The following CUX2 variants were observed in gnomAD, a reference collection of about 807,000 sequenced individuals.
CUX2 encodes the protein cut like homeobox 2.
A neutral mutation model predicts 144.8 loss-of-function variants in CUX2; 40 were observed. The ratio of observed to expected loss-of-function variants is 0.28; its 90% CI spans 0.21 to 0.36. The LOEUF is 0.36. CUX2 is among the 10% of genes least tolerant of loss of function. CUX2 has a pLI of 1.00. For missense variants in CUX2, 1,615 were observed against 1,994.0 expected (o/e 0.81, Z 3.62); for synonymous variants, 827 against 875.6 (o/e 0.94, Z 0.98).
chr12:111,322,459 G>T lies in CUX2; in HGVS notation c.2805G>T (p.Leu935=), dbSNP rs1404396234. ...CACAGGGCAGCGTGAGCGACATGCT[G>T]TCCCGGCCGAAGCCATGGAGCAAGC... ...GLSQGSVSDM[L]SRPKPWSKLT... The change falls in exon 18 of 22, where the codon CTG becomes CTT. Residue 935 remains leucine (L), a synonymous_variant. Coordinates refer to ENST00000261726, the MANE Select transcript of CUX2 (RefSeq NM_015267.4). This position sits in a 1 kb window ranked among gnomAD's most constrained non-coding sequence, Gnocchi z 4.2. 1 of 1,579,008 alleles carries T rather than the reference G, an allele frequency of 6.3e-7. No individual in the cohort carries two copies. Among genetic ancestry groups the T allele is most frequent in the Admixed American group, 1.8e-5 (1 of 54,068 alleles).
At position 111,034,369 on chromosome 12, in the gene CUX2, G is replaced by A. The variant is rs1181833469; in HGVS notation, c.63+129G>A. 8.1e-6 allele frequency: 2 copies of A among 247,768 alleles called. No homozygotes were observed. The highest frequency in any genetic ancestry group is 1.3e-5 in the Non-Finnish European group (2 of 154,004). 15.3% of individuals were successfully genotyped at this position (247,768 alleles called of 1,614,324 possible). On this transcript the variant is annotated intron_variant, in intron 1 of 21. Transcript: ENST00000261726. This position sits in a 1 kb window ranked among gnomAD's most constrained non-coding sequence, Gnocchi z 4.2. ...CGGGCGGCGGCTGCCGGGGCTCGCCGGGGCTCGGCCGCCCGCTGCCCATCG... is the reference window on the plus strand; with the variant it reads ...CGGGCGGCGGCTGCCGGGGCTCGCCAGGGCTCGGCCGCCCGCTGCCCATCG...
At chr12:111,095,226 A>T (rs1209327717) in intron 1 of CUX2, among the ~76,000 whole-genome samples, 1 of 152,196 alleles carries the variant, frequency 6.6e-6, no homozygotes, top group Non-Finnish European at 1.5e-5. Flanking sequence ...TGGGAGACAG[A>T]GGCAGGTAGA....
intron 9 of CUX2, 36 bp downstream of exon 9, chr12:111,298,625 G>T: frequency 6.4e-7 from 1 of 1,551,682 alleles, no homozygotes; most frequent in Non-Finnish European, 8.7e-7. Flanking sequence ...GGGTGCCAGA[G>T]GCTCCCTCTG....
At chr12:111,336,461 T>C (rs985075143) in intron 19 of CUX2, among the ~76,000 whole-genome samples, 3 of 149,618 alleles carry the variant, frequency 2.0e-5, no homozygotes, top group Non-Finnish European at 4.4e-5. Flanking sequence ...TGTGTGTGTT[T>C]AAGATGGAGT....
intron 3 of CUX2, among the ~76,000 whole-genome samples, chr12:111,226,015 C>T (rs923624820): frequency 1.6e-4 from 25 of 152,366 alleles, no homozygotes; most frequent in African/African-American, 6.0e-4. Flanking sequence ...GCAATCTCAG[C>T]TCACTGCAAC....
At chr12:111,091,043 C>T (rs1185991383) in intron 1 of CUX2, among the ~76,000 whole-genome samples, 1 of 152,240 alleles carries the variant, frequency 6.6e-6, no homozygotes, top group East Asian at 1.9e-4. Context: ...AGTCTGTGCC[C>T]GGCTGCGCCG....
At chr12:111,338,837 C>A (rs1888462495) in intron 20 of CUX2, among the ~76,000 whole-genome samples, 1 of 152,048 alleles carries the variant, frequency 6.6e-6, no homozygotes, top group Non-Finnish European at 1.5e-5. Flanking sequence ...GTGCTATGAT[C>A]AAAGCTGTGA....
intron 1 of CUX2, among the ~76,000 whole-genome samples, chr12:111,103,545 T>C (rs1873400159): frequency 1.3e-5 from 2 of 152,204 alleles, no homozygotes; most frequent in African/African-American, 4.8e-5. Context: ...AGTGCTGGGA[T>C]GCAAGGAGAT....
chr12:111,313,053 C>A (rs1187023871), intron 16 of CUX2, among the ~76,000 whole-genome samples: 1 of 152,042 alleles, frequency 6.6e-6, no homozygotes, highest in Non-Finnish European at 1.5e-5. Flanking sequence ...GTTACTTAGC[C>A]TCTTTGTGCC....
At chr12:111,162,568 G>A (rs185509802) in intron 1 of CUX2, among the ~76,000 whole-genome samples, 83 of 152,354 alleles carry the variant, frequency 5.4e-4, no homozygotes, top group Admixed American at 4.5e-3. Context: ...TCACAGCGAT[G>A]ATGGGACAGT....
intron 18 of CUX2, among the ~76,000 whole-genome samples, chr12:111,332,672 A>G (rs1188491570): frequency 1.3e-5 from 2 of 151,896 alleles, no homozygotes; most frequent in Non-Finnish European, 2.9e-5. Context: ...AGAACAGCAA[A>G]CTCCCTGCAC....
At position 111,034,919 on chromosome 12, in the gene CUX2, C is replaced by T. The variant is rs1592837805; in HGVS notation, c.63+679C>T. On this transcript the variant is annotated intron_variant, in intron 1 of 21. Coordinates refer to ENST00000261726, the MANE Select transcript of CUX2 (RefSeq NM_015267.4). The surrounding 1 kb of genome is among the most constrained non-coding windows in gnomAD (Gnocchi z 4.2). The stretch of plus-strand genomic sequence containing the variant: ...GGACTGGCCGCAAGCGCCGGCAGAC[C>T]TCTTCTCCTCGGGCCGGGGTCTTGG... 6.6e-6 allele frequency among the ~76,000 whole-genome samples: 1 copy of T among 151,592 alleles called. No individual in the cohort carries two copies. The highest frequency in any genetic ancestry group is 6.6e-5 in the Admixed American group (1 of 15,248).
At chr12:111,063,989 T>A (rs1870919160) in intron 1 of CUX2, among the ~76,000 whole-genome samples, 1 of 152,204 alleles carries the variant, frequency 6.6e-6, no homozygotes, top group South Asian at 2.1e-4. Flanking sequence ...GGGGAATGAA[T>A]GTTCTCTGGG....
intron 4 of CUX2, among the ~76,000 whole-genome samples, chr12:111,266,755 C>T (rs936262729): frequency 5.3e-5 from 8 of 152,172 alleles, no homozygotes; most frequent in African/African-American, 1.9e-4. Context: ...TCTACTGCAG[C>T]GCTGGGACAC....
intron 10 of CUX2, among the ~76,000 whole-genome samples, chr12:111,305,822 G>A (rs557899083): frequency 9.2e-5 from 14 of 152,238 alleles, no homozygotes; most frequent in East Asian, 1.9e-4. Flanking sequence ...CTTTGAGCAC[G>A]CGCATGTCTG....
In CUX2 at chr12:111,322,673, A is replaced by C. The variant is rs1592966918; in HGVS notation, c.2926+93A>C. 9.6e-6 allele frequency: 14 copies of C among 1,464,938 alleles called. No homozygotes were observed. In the African/African-American group the frequency reaches 1.1e-4, roughly 12 times the overall value. 90.7% of individuals were successfully genotyped at this position (1,464,938 alleles called of 1,614,324 possible). A position where few individuals can be genotyped will look rare whatever the true frequency, so the allele number is the denominator to read the frequency against. On this transcript the variant is annotated intron_variant, in intron 18 of 21. Coordinates refer to ENST00000261726, the MANE Select transcript of CUX2 (RefSeq NM_015267.4). This position sits in a 1 kb window ranked among gnomAD's most constrained non-coding sequence, Gnocchi z 4.2. ...CTGGCTTTACTGCCCGAGTCTACCTATCTCTCCCTCCCTGCTGCCCTGGCT... is the reference window on the plus strand; with the variant it reads ...CTGGCTTTACTGCCCGAGTCTACCTCTCTCTCCCTCCCTGCTGCCCTGGCT...
chr12:111,249,451 T>G (rs1437383353), intron 3 of CUX2, among the ~76,000 whole-genome samples: 62 of 143,894 alleles, frequency 4.3e-4, no homozygotes, highest in Non-Finnish European at 5.6e-4. Flanking sequence ...TTTTGTTTTT[T>G]TTTTTTTTTT....
At chr12:111,143,563 G>T (rs1394229912) in intron 1 of CUX2, among the ~76,000 whole-genome samples, 1 of 152,224 alleles carries the variant, frequency 6.6e-6, no homozygotes, top group African/African-American at 2.4e-5. Context: ...TCTGGCAAAT[G>T]TAATACCCAC....
intron 1 of CUX2, among the ~76,000 whole-genome samples, chr12:111,168,350 T>TGCCTGTC (rs1418169411): frequency 1.6e-4 from 24 of 152,208 alleles, no homozygotes; most frequent in African/African-American, 5.5e-4. Flanking sequence ...CCCTTCTCTC[T>TGCCTGTC]GCCTGTCACC....
Sources: allele counts gnomAD v4.1 joint callset (sites outside exome capture counted in the v4.1 genomes callset), GRCh38; gene constraint gnomAD v4.1.1; non-coding constraint Gnocchi (gnomAD v3.1); transcripts MANE v1.5; gene names NCBI Gene and HGNC (gene_info 2026-07-23, HGNC 2026-07-21).